Variants in ANK2 observed in about 807,000 individuals in gnomAD.
The protein encoded by ANK2 is ankyrin 2.
ANK2 carries 83 observed loss-of-function variants against 360.5 expected under a neutral mutation model. The ratio of observed to expected loss-of-function variants is 0.23; its 90% CI spans 0.19 to 0.28. The LOEUF is 0.28. ANK2 is among the 10% of genes least tolerant of loss of function. The pLI is 1.00. For missense variants in ANK2, 4,201 were observed against 4,795.7 expected (o/e 0.88, Z 3.66); for synonymous variants, 1,740 against 1,759.5 (o/e 0.99, Z 0.28).
chr4:112,877,675 A>G (rs1275003290), intron 1 of ANK2, among the ~76,000 whole-genome samples: 1 of 152,198 alleles, frequency 6.6e-6, no homozygotes. Flanking sequence ...TAAACAACTC[A>G]TGGGGACTGG....
At chr4:113,266,494 T>C (rs1307628545) in intron 14 of ANK2, among the ~76,000 whole-genome samples, 2 of 152,204 alleles carry the variant, frequency 1.3e-5, no homozygotes, top group African/African-American at 4.8e-5. Flanking sequence ...CTGGGTCAAA[T>C]GGTATTTCTG....
At chr4:113,380,048 T>A (rs144440489) in intron 45 of ANK2, among the ~76,000 whole-genome samples, 38 of 152,198 alleles carry the variant, frequency 2.5e-4, no homozygotes, top group Non-Finnish European at 1.6e-4. Context: ...AATTCTGTTA[T>A]TTTTTGTTTG....
chr4:112,977,258 GTTAT>G (rs2041741400), intron 2 of ANK2, among the ~76,000 whole-genome samples: 1 of 152,078 alleles, frequency 6.6e-6, no homozygotes, highest in Non-Finnish European at 1.5e-5. Flanking sequence ...TTACTTTTCA[GTTAT>G]TTATTATGAA....
intron 23 of ANK2, among the ~76,000 whole-genome samples, chr4:113,309,542 A>C (rs1333764269): frequency 6.6e-6 from 1 of 152,106 alleles, no homozygotes; most frequent in Non-Finnish European, 1.5e-5. Flanking sequence ...TTTTTGAGAC[A>C]GGGTCTTACT....
chr4:112,758,850 G>A, the ANK2 span, among the ~76,000 whole-genome samples: 1 of 152,056 alleles, frequency 6.6e-6, no homozygotes. Context: ...CCCAGTTAGT[G>A]AACTTGTGGA....
intron 1 of ANK2, chr4:112,904,383 A>G: frequency 2.2e-6 from 2 of 903,980 alleles, no homozygotes; most frequent in Non-Finnish European, 1.6e-6. Flanking sequence ...GATTTGAAAT[A>G]TGGAAACTGT....
the ANK2 span, among the ~76,000 whole-genome samples, chr4:112,810,605 G>C: frequency 1.3e-5 from 2 of 152,084 alleles, no homozygotes; most frequent in Non-Finnish European, 2.9e-5. Flanking sequence ...AGGCTGGAGT[G>C]CAATGGTGCA....
intron 1 of ANK2, among the ~76,000 whole-genome samples, chr4:112,871,554 TAAAG>T (rs1433830851): frequency 1.3e-5 from 2 of 152,236 alleles, no homozygotes; most frequent in Non-Finnish European, 2.9e-5. Flanking sequence ...TATTTGCAAA[TAAAG>T]ATAGATTTCT....
rs569859166 is a variant in ANK2, at chr4:113,134,133, T to C, written c.85-40283T>C. Among the ~76,000 whole-genome samples the C allele has an allele frequency of 4.2e-4, 64 of 152,182 alleles. No individual in the cohort carries two copies. In the South Asian group the frequency reaches 0.013, roughly 31 times the overall value. ...TCAAAATAGCATCAAGGCCGATTTC[T>C]AAGTCTTGGATGTCATCAACAGGAA... is the stretch of plus-strand genomic sequence containing the variant. On this transcript the variant is annotated intron_variant, in intron 1 of 45. Coordinates refer to ENST00000357077, the MANE Select transcript of ANK2 (RefSeq NM_001148.6).
chr4:113,203,726 T>A (rs1676396295), intron 4 of ANK2, among the ~76,000 whole-genome samples: 1 of 152,230 alleles, frequency 6.6e-6, no homozygotes, highest in Admixed American at 6.5e-5. Context: ...TTGATATTCC[T>A]TTACTTTATC....
At chr4:113,230,525 AAAT>A (rs578115518) in intron 4 of ANK2, among the ~76,000 whole-genome samples, 37 of 152,248 alleles carry the variant, frequency 2.4e-4, no homozygotes, top group African/African-American at 8.4e-4. Context: ...AAAAAAAAAA[AAAT>A]GTTTTCTCCT....
intron 2 of ANK2, among the ~76,000 whole-genome samples, chr4:113,019,999 G>C (rs2057642045): frequency 6.6e-6 from 1 of 152,102 alleles, no homozygotes; most frequent in Non-Finnish European, 1.5e-5. Context: ...CTATGATTTG[G>C]AAGTCCTAGG....
chr4:112,842,984 C>T (rs1217648743), intron 1 of ANK2, among the ~76,000 whole-genome samples: 2 of 152,150 alleles, frequency 1.3e-5, no homozygotes, highest in Admixed American at 1.3e-4. Flanking sequence ...TGGGGACAAC[C>T]GTCTTCAAAG....
the ANK2 span, among the ~76,000 whole-genome samples, chr4:112,780,358 G>A: frequency 6.6e-6 from 1 of 152,120 alleles, no homozygotes; most frequent in Admixed American, 6.6e-5. Flanking sequence ...TTCTATTGCT[G>A]GCACACCAGT....
At chr4:113,145,498 G>A (rs1451765552) in intron 1 of ANK2, 4 of 683,836 alleles carry the variant, frequency 5.8e-6, no homozygotes, top group Non-Finnish European at 7.3e-6. Context: ...TTAAGTCCAT[G>A]TGTGAGGCAG....
chr4:113,291,801 C>T (rs1337328028), intron 20 of ANK2, among the ~76,000 whole-genome samples: 1 of 152,134 alleles, frequency 6.6e-6, no homozygotes, highest in African/African-American at 2.4e-5. Context: ...CTGAACCTCG[C>T]CCGATTGTGG....
At chr4:112,848,365 T>G (rs1027928944) in intron 1 of ANK2, among the ~76,000 whole-genome samples, 5 of 152,202 alleles carry the variant, frequency 3.3e-5, no homozygotes, top group African/African-American at 1.2e-4. Flanking sequence ...TTTCACCACA[T>G]TGGCTAGGCT....
chr4:113,182,933 A>G (rs919559718), intron 2 of ANK2, among the ~76,000 whole-genome samples: 20 of 152,160 alleles, frequency 1.3e-4, no homozygotes, highest in African/African-American at 4.1e-4. Flanking sequence ...ATGGAAAAAT[A>G]TCAACAGGGA....
At chr4:112,719,917 A>G in the ANK2 span, among the ~76,000 whole-genome samples, 1 of 152,058 alleles carries the variant, frequency 6.6e-6, no homozygotes, top group Non-Finnish European at 1.5e-5. Context: ...CATTTTAGGC[A>G]TTTTAGGGAG....
Sources: gnomAD v4.1 joint callset for allele counts (sites outside exome capture counted in the v4.1 genomes callset) on GRCh38, gnomAD v4.1.1 for gene constraint, MANE v1.5 for transcripts, NCBI Gene and HGNC (gene_info 2026-07-23, HGNC 2026-07-21) for gene names.